Variants in COX7A2 observed in about 807,000 individuals in gnomAD.
COX7A2 encodes the protein cytochrome c oxidase subunit 7A2, also known as cytochrome c oxidase subunit 7A2, mitochondrial.
COX7A2 carries 11 observed loss-of-function variants against 11.6 expected under a neutral mutation model. The ratio of observed to expected loss-of-function variants is 0.95; its 90% CI spans 0.60 to 1.57. COX7A2 has a LOEUF of 1.57. COX7A2 is among the 40% of genes most tolerant of loss of function. COX7A2 has a pLI of 0.00. For synonymous variants in COX7A2, 30 were observed against 38.2 expected, an observed-to-expected ratio of 0.78 and a Z score of 0.79; for missense variants, 106 against 100.9, an observed-to-expected ratio of 1.05 and a Z score of -0.22.
At chr6:75,238,468 G>A (rs1003365204) in intron 3 of COX7A2, among the ~76,000 whole-genome samples, 10 of 152,026 alleles carry the variant, frequency 6.6e-5, no homozygotes, top group African/African-American at 1.7e-4. Flanking sequence ...AGCACTTTGG[G>A]AGGCCGAGGC....
Position 75,241,064 on chromosome 6 carries a change from A to T in COX7A2, c.108+112T>A. On this transcript the variant is annotated intron_variant, in intron 2 of 3. Coordinates refer to ENST00000684430, the MANE Select transcript of COX7A2 (RefSeq NM_001366293.2). ...GGTACATGTCCTTGACTTTTTTTGT[A>T]ATGTTTATATTGTCATATGATCTAA... The T allele has an allele frequency of 3.0e-6, 4 of 1,351,476 alleles. No individual in the cohort carries two copies. In the Admixed American group the frequency reaches 6.3e-5, roughly 21 times the overall value. The allele number at this position is 1,351,476 out of a possible 1,614,324, so 83.7% of individuals were successfully genotyped here. A position where few individuals can be genotyped will look rare whatever the true frequency, so the allele number is the denominator to read the frequency against.
In COX7A2 at chr6:75,243,624, AC is replaced by A. The variant is rs1771593903; in HGVS notation, c.18+92del. ...GGTGACTTCATTAGCCGCCTTCGGC[AC>A]CCCTCCCAGGTGAGGGTTTTCTGTC... is the stretch of plus-strand genomic sequence containing the variant. On this transcript the variant is annotated intron_variant, in intron 1 of 3. Transcript: ENST00000684430. The A allele has an allele frequency of 5.7e-6, 7 of 1,229,034 alleles. No homozygotes were observed. In the Admixed American group the frequency reaches 1.2e-4, roughly 20 times the overall value. 76.1% of individuals were successfully genotyped at this position (1,229,034 alleles called of 1,614,324 possible). A position where few individuals can be genotyped will look rare whatever the true frequency, so the allele number is the denominator to read the frequency against.
At chr6:75,241,382 G>C (rs1771496724) in intron 1 of COX7A2, 117 bp from the exon 2 acceptor site, 1 of 893,756 alleles carries the variant, frequency 1.1e-6, no homozygotes, top group Non-Finnish European at 1.6e-6. Flanking sequence ...TATCTGATTT[G>C]TCAGCAGCAA....
In COX7A2 at chr6:75,241,180, A is replaced by T. The variant is rs748957075; in HGVS notation, c.104T>A (p.Phe35Tyr). ...TCCTATAAAATACTTCAGTACCTGG[A>T]ACAGTTTTTGCTTCTCCGGAACTTT... Reference protein sequence around the residue: ...KNKVPEKQKLFQEDDEIPLYL... With the variant: ...KNKVPEKQKLYQEDDEIPLYL... Residue 35 changes from phenylalanine (F) to tyrosine (Y), a missense_variant, in exon 2 of 4, where the codon TTC becomes TAC. Physicochemically the swap from Phe to Tyr is conservative, Grantham distance 22. Transcript: ENST00000684430. 6 of 1,598,610 alleles carry T rather than the reference A, an allele frequency of 3.8e-6. No individual in the cohort carries two copies. The highest frequency in any genetic ancestry group is 5.1e-6 in the Non-Finnish European group (6 of 1,168,282).
intron 1 of COX7A2, among the ~76,000 whole-genome samples, 165 bp downstream of exon 1, chr6:75,243,548 GAGGA>G (rs1302373736): frequency 2.0e-5 from 3 of 152,110 alleles, no homozygotes; most frequent in Non-Finnish European, 4.4e-5. Flanking sequence ...CCTGGGGCGA[GAGGA>G]ATAGACGGAA....
At chr6:75,243,970 T>C, upstream of COX7A2, 3 of 694,476 alleles carry the variant, frequency 4.3e-6, no homozygotes, top group Non-Finnish European at 7.2e-6. Context: ...GTTCCTGACC[T>C]TTTCGATGTT....
intron 1 of COX7A2, among the ~76,000 whole-genome samples, chr6:75,242,363 G>A (rs1056950685): frequency 6.6e-6 from 1 of 151,620 alleles, no homozygotes; most frequent in African/African-American, 2.4e-5. Context: ...AAAATTAGCT[G>A]GGCATGGTGG....
At chr6:75,243,944 T>TA, upstream of COX7A2, 1 of 904,970 alleles carries the variant, frequency 1.1e-6, no homozygotes, top group Non-Finnish European at 1.7e-6. Flanking sequence ...GCTCGCCGTC[T>TA]CAGTCCCGTG....
chr6:75,242,502 G>A (rs574630837), intron 1 of COX7A2, among the ~76,000 whole-genome samples: 52 of 149,428 alleles, frequency 3.5e-4, no homozygotes, highest in African/African-American at 1.1e-3. Context: ...ATGAAACTCC[G>A]CTCAAAAAAT....
intron 3 of COX7A2, among the ~76,000 whole-genome samples, chr6:75,239,032 CTT>C (rs1489076886): frequency 2.0e-5 from 3 of 152,274 alleles, no homozygotes; most frequent in African/African-American, 7.2e-5. Context: ...CCAGGCTAGT[CTT>C]GAACTCCTGA....
upstream of COX7A2, among the ~76,000 whole-genome samples, chr6:75,246,621 G>T (rs147764250): frequency 9.7e-3 from 1,480 of 152,188 alleles, 27 homozygotes; most frequent in Middle Eastern, 0.027. Flanking sequence ...AATAGTAATT[G>T]GCACATAGAA....
intron 2 of COX7A2, 24 bp downstream of exon 2, chr6:75,241,152 A>G: frequency 6.3e-7 from 1 of 1,584,160 alleles, no homozygotes. Context: ...TACAAGTAAC[A>G]TCTCCTATAA....
intron 2 of COX7A2, chr6:75,240,960 C>CA (rs1771483983): frequency 7.2e-6 from 3 of 414,500 alleles, no homozygotes; most frequent in African/African-American, 6.0e-5. Flanking sequence ...AAAAATCACT[C>CA]ATAATCAAAC....
upstream of COX7A2, chr6:75,244,141 A>G (rs1159868221): frequency 8.3e-6 from 2 of 241,358 alleles, no homozygotes; most frequent in Non-Finnish European, 1.7e-5. Flanking sequence ...TGAAGCCGCT[A>G]GAAACTGAAC....
chr6:75,249,875 GTC>G (rs1329889337), intron 1 of COX7A2, among the ~76,000 whole-genome samples: 16 of 152,288 alleles, frequency 1.1e-4, no homozygotes, highest in Admixed American at 1.3e-4. Flanking sequence ...GGGTCAGAGA[GTC>G]TGTCAGAAAG....
chr6:75,245,261 G>A (rs1344609922), upstream of COX7A2, among the ~76,000 whole-genome samples: 1 of 152,220 alleles, frequency 6.6e-6, no homozygotes, highest in South Asian at 2.1e-4. Flanking sequence ...GGAGGCCGAG[G>A]CGGGCGGATC....
At chr6:75,248,969 T>G (rs1481883930) in intron 1 of COX7A2, among the ~76,000 whole-genome samples, 2 of 152,190 alleles carry the variant, frequency 1.3e-5, no homozygotes, top group Non-Finnish European at 2.9e-5. Flanking sequence ...GACAGAATTT[T>G]GGGCCGGGCA....
chr6:75,243,920 A>T, upstream of COX7A2: 1 of 1,187,096 alleles, frequency 8.4e-7, no homozygotes, highest in Non-Finnish European at 1.2e-6. Flanking sequence ...GTACGGCTCT[A>T]TCCGCTCTAG....
chr6:75,237,954 A>G lies in COX7A2; in HGVS notation c.228T>C (p.Ala76=). 6.2e-7 allele frequency: 1 copy of G among 1,606,532 alleles called. No homozygotes were observed. Residue 76 remains alanine (A), a synonymous_variant, in exon 4 of 4, where the codon GCT becomes GCC. Transcript: ENST00000684430. ...TAYAIYELAV[A]SFPKKQE is the part of the protein sequence containing the mutation. ...GTCACTCCTGCTTCTTGGGAAATGA[A>G]GCCACAGCCAGCTCATATATGGCAT...
Sources: allele counts gnomAD v4.1 joint callset (sites outside exome capture counted in the v4.1 genomes callset), GRCh38; gene constraint gnomAD v4.1.1; transcripts MANE v1.5; gene names NCBI Gene and HGNC (gene_info 2026-07-23, HGNC 2026-07-21).